Variants in TRDMT1 observed in about 807,000 individuals in gnomAD.
The protein encoded by TRDMT1 is tRNA aspartic acid methyltransferase 1.
In TRDMT1, 49 loss-of-function variants were observed where a neutral mutation model predicts 51.2. That is an observed-to-expected ratio of 0.96 (90% CI 0.76 to 1.21). The LOEUF is 1.21. Ranked by LOEUF, TRDMT1 falls within the 50% of genes most tolerant of loss-of-function variation. The probability of loss-of-function intolerance (pLI) is 0.00; values close to 1 mark genes in which losing one functional copy is unlikely to be tolerated. For synonymous variants in TRDMT1, 187 were observed against 164.6 expected, an observed-to-expected ratio of 1.14 and a Z score of -1.04; for missense variants, 534 against 462.3, an observed-to-expected ratio of 1.16 and a Z score of -1.42.
At chr10:17,184,119 T>C (rs1027140509) in intron 1 of TRDMT1, among the ~76,000 whole-genome samples, 11 of 152,138 alleles carry the variant, frequency 7.2e-5, no homozygotes, top group African/African-American at 2.4e-4. Flanking sequence ...TCAAAAGATA[T>C]AAACTACTTA....
intron 1 of TRDMT1, among the ~76,000 whole-genome samples, chr10:17,175,613 C>A (rs1053841435): frequency 2.7e-5 from 4 of 149,748 alleles, no homozygotes; most frequent in African/African-American, 9.9e-5. Context: ...GTAGCCGATT[C>A]TTTAATACCA....
chr10:17,175,134 C>G (rs1842471242), intron 1 of TRDMT1, among the ~76,000 whole-genome samples: 1 of 152,092 alleles, frequency 6.6e-6, no homozygotes, highest in Admixed American at 6.6e-5. Context: ...TTTTTAGTAA[C>G]AGCTTTATTG....
At chr10:17,201,438 C>T (rs1846150728) in intron 1 of TRDMT1, 133 bp downstream of exon 1, 3 of 870,190 alleles carry the variant, frequency 3.4e-6, no homozygotes, top group East Asian at 3.3e-5. Flanking sequence ...TCCAGGACAA[C>T]CGAGGGCCGC....
Position 17,141,408 on chromosome 10 carries a change from C to T in TRDMT1, c.*7632G>A, listed in dbSNP as rs537758874. On this transcript the variant is annotated 3_prime_UTR_variant, in exon 11 of 11. Transcript: ENST00000377799. ...ATCTCCTGACCTTATGATCTGCCCC[C>T]CTTCGCCTCCTAAAGTGCTGGGATT... Among the ~76,000 whole-genome samples, 3 of 152,262 alleles carry T rather than the reference C, an allele frequency of 2.0e-5. No individual in the cohort carries two copies. The highest frequency in any genetic ancestry group is 2.1e-4 in the South Asian group (1 of 4,814).
chr10:17,168,580 C>T (rs1158281309), intron 3 of TRDMT1, among the ~76,000 whole-genome samples: 1 of 152,144 alleles, frequency 6.6e-6, no homozygotes, highest in East Asian at 1.9e-4. Flanking sequence ...CTCTGCTGTG[C>T]TGTTCTTGTG....
chr10:17,169,213 G>A, intron 2 of TRDMT1: 1 of 661,470 alleles, frequency 1.5e-6, no homozygotes, highest in South Asian at 2.2e-5. Flanking sequence ...CACCTCAAGT[G>A]TAACACTGCT....
At chr10:17,197,020 C>T (rs907374640) in intron 1 of TRDMT1, among the ~76,000 whole-genome samples, 4 of 152,144 alleles carry the variant, frequency 2.6e-5, no homozygotes, top group African/African-American at 7.2e-5. Flanking sequence ...GATAAAGCTT[C>T]ACTGTGGCCA....
chr10:17,148,094 C>T lies in TRDMT1; in HGVS notation c.*946G>A, dbSNP rs1171673113. On this transcript the variant is annotated 3_prime_UTR_variant, in exon 11 of 11. Transcript: ENST00000377799. ...AAACCATAGAATTTATGATGCAAGA[C>T]TTAGTTTGATTAGAAACCCTAATTC... 1.0e-6 allele frequency: 1 copy of T among 985,232 alleles called. No homozygotes were observed. The highest frequency in any genetic ancestry group is 1.2e-6 in the Non-Finnish European group (1 of 829,922). The allele number at this position is 985,232 out of a possible 1,614,324, so 61.0% of individuals were successfully genotyped here. A position where few individuals can be genotyped will look rare whatever the true frequency, so the allele number is the denominator to read the frequency against.
At chr10:17,198,545 G>A (rs1845743743) in intron 1 of TRDMT1, among the ~76,000 whole-genome samples, 1 of 152,186 alleles carries the variant, frequency 6.6e-6, no homozygotes, top group African/African-American at 2.4e-5. Context: ...AAATAAGCCA[G>A]ACACAAAAGG....
At chr10:17,196,245 G>T (rs898048029) in intron 1 of TRDMT1, among the ~76,000 whole-genome samples, 7 of 152,222 alleles carry the variant, frequency 4.6e-5, no homozygotes, top group Non-Finnish European at 8.8e-5. Flanking sequence ...GTATTATGGG[G>T]TAAAACTCAA....
At position 17,140,639 on chromosome 10, in the gene TRDMT1, ACT is replaced by A. The variant is rs1485410949; in HGVS notation, c.*8399_*8400del. 2.6e-5 allele frequency among the ~76,000 whole-genome samples: 4 copies of A among 152,212 alleles called. No homozygotes were observed. In the South Asian group the frequency reaches 8.3e-4, roughly 32 times the overall value. On this transcript the variant is annotated 3_prime_UTR_variant, in exon 11 of 11. Coordinates refer to ENST00000377799, the MANE Select transcript of TRDMT1 (RefSeq NM_004412.7). ...CAACTTACAAGCTTACAATGAACAG[ACT>A]CTACAGTAAAGACTTGAAACTGAGT... is the stretch of plus-strand genomic sequence containing the variant.
chr10:17,151,214 GA>G, intron 10 of TRDMT1: 5 of 886,394 alleles, frequency 5.6e-6, no homozygotes, highest in Non-Finnish European at 6.8e-6. Flanking sequence ...AACAATTTGT[GA>G]AAAAAATGAC....
chr10:17,144,130 GA>G lies in TRDMT1; in HGVS notation c.*4909del, dbSNP rs1837906514. ...AAGAGACCTGAGGACGGAACCTTCAGATAAGTCAGCTCCAAGCCTCTGCTCT... is the reference window on the plus strand; with the variant it reads ...AAGAGACCTGAGGACGGAACCTTCAGTAAGTCAGCTCCAAGCCTCTGCTCT... On this transcript the variant is annotated 3_prime_UTR_variant, in exon 11 of 11. Transcript: ENST00000377799. 2.0e-6 allele frequency: 2 copies of G among 985,468 alleles called. No homozygotes were observed. The allele number at this position is 985,468 out of a possible 1,614,324, so 61.0% of individuals were successfully genotyped here.
intron 1 of TRDMT1, among the ~76,000 whole-genome samples, chr10:17,194,428 C>A (rs1380927581): frequency 6.6e-6 from 1 of 152,036 alleles, no homozygotes; most frequent in Non-Finnish European, 1.5e-5. Context: ...GTCTAGTATC[C>A]AGAATCTAAA....
intron 1 of TRDMT1, among the ~76,000 whole-genome samples, chr10:17,188,594 T>C (rs1486842175): frequency 6.6e-6 from 1 of 152,208 alleles, no homozygotes; most frequent in Non-Finnish European, 1.5e-5. Context: ...GGAAATATTG[T>C]ATATTTTCTA....
intron 1 of TRDMT1, among the ~76,000 whole-genome samples, chr10:17,189,150 T>A (rs1588664959): frequency 1.3e-5 from 2 of 152,172 alleles, no homozygotes; most frequent in Non-Finnish European, 2.9e-5. Flanking sequence ...ACTCTCTTTC[T>A]GAAGTATAAT....
rs1837516471 is a variant in TRDMT1 at position 17,139,295 on chromosome 10, A to T, written c.*9745T>A. On this transcript the variant is annotated 3_prime_UTR_variant, in exon 11 of 11. Coordinates refer to ENST00000377799, the MANE Select transcript of TRDMT1 (RefSeq NM_004412.7). ...AATATTTAGACACCATTCATACGAT[A>T]ATCAAAGGAAAATGTCTGATTGCAC... The T allele has an allele frequency of 6.3e-6, 5 of 798,096 alleles. No homozygotes were observed. The highest frequency in any genetic ancestry group is 7.6e-6 in the Non-Finnish European group (5 of 658,844). The allele number at this position is 798,096 out of a possible 1,614,324, so 49.4% of individuals were successfully genotyped here. A position where few individuals can be genotyped will look rare whatever the true frequency, so the allele number is the denominator to read the frequency against.
intron 10 of TRDMT1, 118 bp from the exon 11 acceptor site, chr10:17,149,258 C>G: frequency 1.3e-6 from 1 of 744,556 alleles, no homozygotes; most frequent in Non-Finnish European, 2.2e-6. Context: ...ACTAAGGTCT[C>G]CATGAAGTTT....
At chr10:17,182,044 A>G (rs975563336) in intron 1 of TRDMT1, among the ~76,000 whole-genome samples, 2 of 152,212 alleles carry the variant, frequency 1.3e-5, no homozygotes, top group African/African-American at 4.8e-5. Flanking sequence ...CAGGATGGGC[A>G]TGCAACTCAA....
Sources: allele counts gnomAD v4.1 joint callset (sites outside exome capture counted in the v4.1 genomes callset), GRCh38; gene constraint gnomAD v4.1.1; transcripts MANE v1.5; gene names NCBI Gene and HGNC (gene_info 2026-07-23, HGNC 2026-07-21).